SEPTIN14: variants seen among roughly 807,000 people sequenced by gnomAD.
The protein encoded by SEPTIN14 is septin-14.
SEPTIN14 carries 40 observed loss-of-function variants against 53.6 expected under a neutral mutation model. The observed-to-expected ratio is 0.75, with a 90% CI of 0.58 to 0.97. The LOEUF is 0.97. Ranked by LOEUF, SEPTIN14 falls within the 50% of genes least tolerant of loss-of-function variation. The pLI, the probability that SEPTIN14 is intolerant of heterozygous loss-of-function variation, is 0.00. For synonymous variants in SEPTIN14, 138 were observed against 166.8 expected, an observed-to-expected ratio of 0.83 and a Z score of 1.33; for missense variants, 471 against 508.2, an observed-to-expected ratio of 0.93 and a Z score of 0.70.
intron 2 of SEPTIN14, among the ~76,000 whole-genome samples, chr7:55,848,122 G>A (rs1412394592): frequency 2.0e-5 from 3 of 152,174 alleles, no homozygotes; most frequent in East Asian, 3.8e-4. Flanking sequence ...TAAGGTAGAA[G>A]CATCAACAAT....
intron 2 of SEPTIN14, among the ~76,000 whole-genome samples, chr7:55,855,305 G>A (rs1789598950): frequency 6.6e-6 from 1 of 151,674 alleles, no homozygotes; most frequent in African/African-American, 2.4e-5. Flanking sequence ...ACGGCGCCCG[G>A]TCAGATCACA....
At chr7:55,836,233 T>G (rs1165317981) in intron 5 of SEPTIN14, among the ~76,000 whole-genome samples, 1 of 152,226 alleles carries the variant, frequency 6.6e-6, no homozygotes, top group Non-Finnish European at 1.5e-5. Context: ...TGCTTCAATA[T>G]GAGCACTCCT....
At chr7:55,830,468 C>T (rs1789090125) in intron 6 of SEPTIN14, among the ~76,000 whole-genome samples, 1 of 149,968 alleles carries the variant, frequency 6.7e-6, no homozygotes, top group Non-Finnish European at 1.5e-5. Flanking sequence ...CTCAGCCTCC[C>T]GAGTTGCTGG....
intron 9 of SEPTIN14, chr7:55,798,056 T>C: frequency 1.1e-5 from 2 of 175,966 alleles, no homozygotes; most frequent in South Asian, 1.2e-4. Context: ...CACAGGCCCC[T>C]GATGCTTGCA....
intron 2 of SEPTIN14, among the ~76,000 whole-genome samples, chr7:55,860,611 G>A (rs766455735): frequency 9.2e-5 from 14 of 152,040 alleles, no homozygotes; most frequent in African/African-American, 1.4e-4. Context: ...TGATTATTAT[G>A]TATTCTATGC....
intron 6 of SEPTIN14, 135 bp downstream of exon 6, chr7:55,834,290 C>T: frequency 6.9e-6 from 4 of 578,640 alleles, no homozygotes; most frequent in Non-Finnish European, 1.1e-5. Context: ...TGAATTAAAT[C>T]TAAATAAATC....
chr7:55,830,474 G>T lies in SEPTIN14; in HGVS notation c.720+3951C>A, dbSNP rs1292116791. On this transcript the variant is annotated intron_variant, in intron 6 of 9. Transcript: ENST00000388975. ...CCATTCTGCCTCAGCCTCCCGAGTT[G>T]CTGGGACTGGAGGCGCCTGCCACCA... Among the ~76,000 whole-genome samples, 3 of 149,626 alleles carry T rather than the reference G, an allele frequency of 2.0e-5. No homozygotes were observed. In the East Asian group the frequency reaches 6.1e-4, roughly 30 times the overall value.
rs1372030816 is a variant in SEPTIN14, at chr7:55,844,316, A to T, written c.371+207T>A. 2.0e-5 allele frequency among the ~76,000 whole-genome samples: 3 copies of T among 152,136 alleles called. No individual in the cohort carries two copies. In the East Asian group the frequency reaches 5.8e-4, roughly 29 times the overall value. ...AAAACTAATAGAAGCTATATTTAAAATTTTTTGCTATAACTGGCTAAATAA... is the reference window on the plus strand; with the variant it reads ...AAAACTAATAGAAGCTATATTTAAATTTTTTTGCTATAACTGGCTAAATAA... On this transcript the variant is annotated intron_variant, in intron 4 of 9. Coordinates refer to ENST00000388975, the MANE Select transcript of SEPTIN14 (RefSeq NM_207366.3).
At chr7:55,830,349 A>ATATTTTTTTTTTTTTTTTT (rs71015108) in intron 6 of SEPTIN14, among the ~76,000 whole-genome samples, 10 of 56,842 alleles carry the variant, frequency 1.8e-4, no homozygotes, top group African/African-American at 1.0e-3. Flanking sequence ...ATATATATAT[A>ATATTTTTTTTTTTTTTTTT]TTTTTTTTTT....
chr7:55,812,913 A>G (rs746468057), intron 7 of SEPTIN14, among the ~76,000 whole-genome samples: 11 of 151,214 alleles, frequency 7.3e-5, no homozygotes, highest in African/African-American at 1.2e-4. Flanking sequence ...ACAGTGCTAC[A>G]CAACATAGGG....
intron 2 of SEPTIN14, among the ~76,000 whole-genome samples, chr7:55,858,993 C>A (rs1457516157): frequency 6.6e-6 from 1 of 151,484 alleles, no homozygotes; most frequent in African/African-American, 2.4e-5. Flanking sequence ...CAGTTTTCAG[C>A]CTCCAAAATT....
intron 7 of SEPTIN14, chr7:55,811,496 C>CT (rs1170803437): frequency 0.082 from 14,808 of 180,072 alleles, 625 homozygotes; most frequent in African/African-American, 0.14. Flanking sequence ...TTTTACAGTT[C>CT]TTTTTTTTTT....
chr7:55,843,770 T>C (rs1789355780), intron 4 of SEPTIN14, among the ~76,000 whole-genome samples: 1 of 152,106 alleles, frequency 6.6e-6, no homozygotes. Flanking sequence ...AGACAAAGCT[T>C]ACAGTGAGCC....
Position 55,861,990 on chromosome 7 carries a change from C to T in SEPTIN14, c.7G>A (p.Glu3Lys), listed in dbSNP as rs769775441. 21 of 1,580,820 alleles carry T rather than the reference C, an allele frequency of 1.3e-5. No individual in the cohort carries two copies. In the South Asian group the frequency reaches 2.3e-4, roughly 17 times the overall value. ...TGTGTGGGCATAGCCATTGTTCTTT[C>T]TGCCATGCTACACTAAAAGAGCTGG... MA[E>K]RTMAMPTQIP... Residue 3 changes from glutamate to lysine, a missense_variant, in exon 2 of 10, where the codon GAA becomes AAA. Coordinates refer to ENST00000388975, the MANE Select transcript of SEPTIN14 (RefSeq NM_207366.3).
intron 7 of SEPTIN14, among the ~76,000 whole-genome samples, chr7:55,817,656 G>C (rs981709504): frequency 4.6e-5 from 7 of 151,828 alleles, no homozygotes; most frequent in African/African-American, 1.7e-4. Context: ...ATTTTTAGTA[G>C]AGATTGGGTT....
intron 6 of SEPTIN14, among the ~76,000 whole-genome samples, chr7:55,830,335 A>ATTTTTTT (rs1562713324): frequency 5.8e-5 from 2 of 34,308 alleles, no homozygotes; most frequent in African/African-American, 3.0e-4. Flanking sequence ...ATATATATAT[A>ATTTTTTT]TATATATATA....
At chr7:55,822,856 CAAAAAAAAA>C (rs148179709) in intron 6 of SEPTIN14, among the ~76,000 whole-genome samples, 1 of 104,432 alleles carries the variant, frequency 9.6e-6, no homozygotes, top group Non-Finnish European at 2.0e-5. Flanking sequence ...CAGGGGAAAG[CAAAAAAAAA>C]AAAAAAAAAA....
chr7:55,833,737 A>G (rs1277933810), intron 6 of SEPTIN14, among the ~76,000 whole-genome samples: 1 of 150,004 alleles, frequency 6.7e-6, no homozygotes, highest in African/African-American at 2.5e-5. Flanking sequence ...AAAATTAATC[A>G]ATGAAGCTAA....
chr7:55,807,337 T>C (rs747106127), intron 7 of SEPTIN14, 79 bp from the exon 8 acceptor site: 127 of 874,482 alleles, frequency 1.5e-4, no homozygotes, highest in Non-Finnish European at 2.1e-4. Context: ...AATGAATACA[T>C]GAATAAAAAA....
Sources: gnomAD v4.1 joint callset for allele counts (sites outside exome capture counted in the v4.1 genomes callset) on GRCh38, gnomAD v4.1.1 for gene constraint, MANE v1.5 for transcripts, NCBI Gene and HGNC (gene_info 2026-07-23, HGNC 2026-07-21) for gene names.